LONP2: variants seen among roughly 807,000 people sequenced by gnomAD.
LONP2 encodes the protein lon protease homolog 2, peroxisomal.
Under a neutral mutation model 85.6 loss-of-function variants are expected in LONP2, and 60 were observed. The observed-to-expected ratio is 0.70, with a 90% CI of 0.57 to 0.87. The LOEUF is 0.87. Among genes scored for constraint, LONP2 ranks in the 40% least tolerant of loss-of-function variants. LONP2 has a pLI of 0.00. For missense variants in LONP2, 860 were observed against 1,063.5 expected (o/e 0.81, Z 2.66); for synonymous variants, 395 against 389.7 (o/e 1.01, Z -0.16).
At chr16:48,310,891 C>T (rs1973016164) in intron 11 of LONP2, among the ~76,000 whole-genome samples, 1 of 152,160 alleles carries the variant, frequency 6.6e-6, no homozygotes, top group South Asian at 2.1e-4. Context: ...ATCTGGGAAA[C>T]ACTTTATTTC....
intron 8 of LONP2, among the ~76,000 whole-genome samples, chr16:48,286,505 T>C (rs1972446105): frequency 6.6e-6 from 1 of 151,922 alleles, no homozygotes; most frequent in Non-Finnish European, 1.5e-5. Flanking sequence ...TCCATTGACT[T>C]CTCTTTTTCT....
chr16:48,252,028 C>G, intron 1 of LONP2, 103 bp from the exon 2 acceptor site: 1 of 856,394 alleles, frequency 1.2e-6, no homozygotes, highest in Non-Finnish European at 1.7e-6. Context: ...CTTCAGATGT[C>G]TTTTGCTTAA....
chr16:48,361,518 G>A (rs751891520), downstream of LONP2: 1 of 1,551,430 alleles, frequency 6.4e-7, no homozygotes, highest in Non-Finnish European at 8.8e-7. Flanking sequence ...AGACAGATGG[G>A]TGCCTTATTT....
intron 1 of LONP2, among the ~76,000 whole-genome samples, chr16:48,249,132 T>A (rs1369916934): frequency 6.6e-6 from 1 of 152,154 alleles, no homozygotes; most frequent in East Asian, 1.9e-4. Flanking sequence ...ACTCTGAGGG[T>A]AGATTCGAGT....
chr16:48,362,415 G>A lies in LONP2; in HGVS notation c.*552G>A. The A allele has an allele frequency of 6.2e-7, 1 of 1,614,072 alleles. No individual in the cohort carries two copies. Among genetic ancestry groups the A allele is most frequent in the Non-Finnish European group, 8.5e-7 (1 of 1,179,974 alleles). On this transcript the variant is annotated 3_prime_UTR_variant, in exon 5 of 5. Coordinates refer to the LONP2 transcript ENST00000565867. The surrounding 1 kb of genome is among the most constrained non-coding windows in gnomAD (Gnocchi z 4.2). ...GGTACCGGTAGGTAATGCTGTAGCAGTCTGACGGCTCATTTCTGAAATAAA... is the reference window on the plus strand; with the variant it reads ...GGTACCGGTAGGTAATGCTGTAGCAATCTGACGGCTCATTTCTGAAATAAA...
Position 48,355,993 on chromosome 16 carries a change from T to C in LONP2, c.*4191T>C, listed in dbSNP as rs1242715615. The C allele has an allele frequency of 6.6e-6, 1 of 152,214 alleles. No homozygotes were observed. Among genetic ancestry groups the C allele is most frequent in the Admixed American group, 6.5e-5 (1 of 15,282 alleles). 9.4% of individuals were successfully genotyped at this position (152,214 alleles called of 1,614,324 possible). On this transcript the variant is annotated 3_prime_UTR_variant, in exon 15 of 15. Transcript: ENST00000285737. ...AATCCTACACTGTCCACTGGAGACA[T>C]CCATGTTTTTACTTGGCTCTGCCCC...
At chr16:48,292,132 A>G (rs907071140) in intron 8 of LONP2, among the ~76,000 whole-genome samples, 4 of 152,234 alleles carry the variant, frequency 2.6e-5, no homozygotes, top group African/African-American at 9.6e-5. Flanking sequence ...TAGCTTAGTG[A>G]ATCTGCATTT....
intron 8 of LONP2, among the ~76,000 whole-genome samples, chr16:48,283,926 C>T (rs951678855): frequency 6.6e-6 from 1 of 152,128 alleles, no homozygotes; most frequent in Non-Finnish European, 1.5e-5. Flanking sequence ...TAAGAACATT[C>T]ATGATTCACG....
downstream of LONP2, chr16:48,357,496 AC>A (rs138201086): frequency 0.082 from 12,422 of 152,270 alleles, 545 homozygotes; most frequent in Middle Eastern, 0.11. Context: ...TGTTTAACCT[AC>A]ACAAATACCA....
At chr16:48,345,529 C>T (rs1716130842) in intron 12 of LONP2, 1 of 152,172 alleles carries the variant, frequency 6.6e-6, no homozygotes, top group African/African-American at 2.4e-5. Context: ...TTATAAATAA[C>T]TGTTTCATGA....
intron 10 of LONP2, among the ~76,000 whole-genome samples, chr16:48,300,293 C>T (rs1349131519): frequency 6.6e-6 from 1 of 152,160 alleles, no homozygotes; most frequent in Non-Finnish European, 1.5e-5. Context: ...TTTTGATCTT[C>T]AGAATTAACA....
intron 8 of LONP2, among the ~76,000 whole-genome samples, chr16:48,289,311 A>ATATGC (rs1972512833): frequency 6.6e-6 from 1 of 152,196 alleles, no homozygotes; most frequent in Non-Finnish European, 1.5e-5. Flanking sequence ...TTAGGGAAGC[A>ATATGC]TGAGACGTCA....
At chr16:48,280,282 A>G (rs1972298876) in intron 8 of LONP2, among the ~76,000 whole-genome samples, 1 of 152,196 alleles carries the variant, frequency 6.6e-6, no homozygotes, top group African/African-American at 2.4e-5. Context: ...AGACACTTAC[A>G]GTTATCCTGT....
chr16:48,315,495 C>T (rs1973122208), intron 11 of LONP2, among the ~76,000 whole-genome samples: 1 of 152,100 alleles, frequency 6.6e-6, no homozygotes, highest in South Asian at 2.1e-4. Flanking sequence ...GAGAAGGGGG[C>T]CTGAACTCAC....
At chr16:48,247,864 C>G (rs774098701) in intron 1 of LONP2, among the ~76,000 whole-genome samples, 1 of 152,174 alleles carries the variant, frequency 6.6e-6, no homozygotes, top group Non-Finnish European at 1.5e-5. Context: ...CTTGTGAGCT[C>G]AAGTGATCCT....
At chr16:48,264,308 G>GC (rs1971942721) in intron 6 of LONP2, among the ~76,000 whole-genome samples, 1 of 151,886 alleles carries the variant, frequency 6.6e-6, no homozygotes, top group Admixed American at 6.6e-5. Flanking sequence ...AGACAGGTAC[G>GC]CCCCGGGGGG....
At chr16:48,336,404 G>A in intron 12 of LONP2, 1 of 456,262 alleles carries the variant, frequency 2.2e-6, no homozygotes, top group South Asian at 1.5e-5. Flanking sequence ...TAGCATCTTA[G>A]AATGGAAGAT....
chr16:48,316,639 A>G (rs1314266981), intron 11 of LONP2, among the ~76,000 whole-genome samples: 1 of 152,034 alleles, frequency 6.6e-6, no homozygotes, highest in East Asian at 1.9e-4. Flanking sequence ...GATTCTTTGT[A>G]TATATATGGA....
chr16:48,358,920 A>G (rs1481042057), downstream of LONP2, among the ~76,000 whole-genome samples: 2 of 152,238 alleles, frequency 1.3e-5, no homozygotes, highest in Non-Finnish European at 2.9e-5. Context: ...TCCAAAGTCT[A>G]CATGAACTTT....
Sources: gnomAD v4.1 joint callset for allele counts (sites outside exome capture counted in the v4.1 genomes callset) on GRCh38, gnomAD v4.1.1 for gene constraint, Gnocchi (gnomAD v3.1) non-coding constraint, MANE v1.5 for transcripts, NCBI Gene and HGNC (gene_info 2026-07-23, HGNC 2026-07-21) for gene names.